Variants in ROR2 observed in about 807,000 individuals in gnomAD.
ROR2 encodes tyrosine-protein kinase transmembrane receptor ROR2.
Under a neutral mutation model 74.9 loss-of-function variants are expected in ROR2, and 33 were observed. The observed-to-expected ratio is 0.44, with a 90% CI of 0.33 to 0.59. The LOEUF (loss-of-function observed/expected upper bound fraction) is 0.59. Ranked by LOEUF, ROR2 falls within the 20% of genes least tolerant of loss-of-function variation. ROR2 has a pLI of 0.02. For synonymous variants in ROR2, 586 were observed against 558.7 expected, an observed-to-expected ratio of 1.05 and a Z score of -0.69; for missense variants, 1,216 against 1,313.8, an observed-to-expected ratio of 0.93 and a Z score of 1.15.
At chr9:91,924,083 C>T (rs1831336093) in intron 1 of ROR2, among the ~76,000 whole-genome samples, 1 of 152,246 alleles carries the variant, frequency 6.6e-6, no homozygotes, top group Admixed American at 6.5e-5. Context: ...TGATTCTTTC[C>T]TGCTCTCCCC....
At position 91,892,239 on chromosome 9, in the gene ROR2, C is replaced by T. The variant is rs560121889; in HGVS notation, c.97+57628G>A. 3.9e-5 allele frequency among the ~76,000 whole-genome samples: 6 copies of T among 152,286 alleles called. No individual in the cohort carries two copies. The South Asian group carries it at 1.2e-3, about 32-fold the overall frequency. On this transcript the variant is annotated intron_variant, in intron 1 of 8. Coordinates refer to ENST00000375708, the MANE Select transcript of ROR2 (RefSeq NM_004560.4). ...ACACAACCTAGTGATGAAAGGGAAA[C>T]CCGCCATCAGCACATCCTTGGGTAG... is the stretch of plus-strand genomic sequence containing the variant.
At chr9:91,906,032 C>CAG (rs1830805973) in intron 1 of ROR2, among the ~76,000 whole-genome samples, 5 of 150,836 alleles carry the variant, frequency 3.3e-5, no homozygotes, top group Non-Finnish European at 7.4e-5. Context: ...CACACACACA[C>CAG]AGAGTAATAA....
intron 5 of ROR2, among the ~76,000 whole-genome samples, chr9:91,736,580 G>A (rs1825032921): frequency 6.6e-6 from 1 of 152,220 alleles, no homozygotes; most frequent in African/African-American, 2.4e-5. Flanking sequence ...CTCCTTATGG[G>A]ATCTGGAGAG....
Position 91,724,586 on chromosome 9 carries a change from G to C in ROR2, c.1908C>G (p.Leu636=). Residue 636 remains leucine, a synonymous_variant, in exon 9 of 9, where the codon CTC becomes CTG. Coordinates refer to ENST00000375708, the MANE Select transcript of ROR2 (RefSeq NM_004560.4). ...AATCGGCGGCATACACCTCTCGGAA[G>C]AGGCCCAAGTCTGAGATCTTCACGT... ...KLNVKISDLG[L]FREVYAADYY... 1.2e-6 allele frequency: 2 copies of C among 1,614,158 alleles called. No homozygotes were observed. The highest frequency in any genetic ancestry group is 1.7e-6 in the Non-Finnish European group (2 of 1,180,038).
At chr9:91,882,343 G>A (rs1454393495) in intron 1 of ROR2, among the ~76,000 whole-genome samples, 5 of 151,518 alleles carry the variant, frequency 3.3e-5, no homozygotes, top group Admixed American at 6.6e-5. Context: ...CCCAGGAGGC[G>A]GAGGTTGCAG....
rs141597213 is a variant in ROR2, at chr9:91,840,428, A to G, written c.98-64610T>C. Among the ~76,000 whole-genome samples the G allele has an allele frequency of 2.6e-3, 400 of 152,174 alleles. 1 individual carries two copies. Among genetic ancestry groups the G allele is most frequent in the African/African-American group, 9.0e-3 (374 of 41,526 alleles). Reference sequence around the variant, plus strand: ...CCTCCAGACGGGCCCACCATACCCAATTGCTTCAAGGAGGCCTCTGTTCAT... The same window carrying G: ...CCTCCAGACGGGCCCACCATACCCAGTTGCTTCAAGGAGGCCTCTGTTCAT... On this transcript the variant is annotated intron_variant, in intron 1 of 8. Coordinates refer to ENST00000375708, the MANE Select transcript of ROR2 (RefSeq NM_004560.4).
At chr9:91,878,210 G>A (rs190699162) in intron 1 of ROR2, among the ~76,000 whole-genome samples, 253 of 152,270 alleles carry the variant, frequency 1.7e-3, no homozygotes, top group Admixed American at 2.8e-3. Context: ...TGGGGCAAGG[G>A]AAATGGCAGG....
intron 1 of ROR2, among the ~76,000 whole-genome samples, chr9:91,801,272 A>G (rs902162489): frequency 1.3e-5 from 2 of 152,192 alleles, no homozygotes; most frequent in Non-Finnish European, 2.9e-5. Context: ...TTGAGTCTTC[A>G]TTCTTCATGT....
rs376350305 is a variant in ROR2, at chr9:91,757,264, C to T, written c.463+8G>A. ...TGCTAACCCACACAATTTCACTGTC[C>T]AACTCACCCAGCCGCACAAACAGGA... On this transcript the variant is annotated splice_region_variant and intron_variant, in intron 3 of 8. Coordinates refer to ENST00000375708, the MANE Select transcript of ROR2 (RefSeq NM_004560.4). The T allele has an allele frequency of 1.9e-6, 3 of 1,613,720 alleles. No individual in the cohort carries two copies. In the African/African-American group the frequency reaches 4.0e-5, roughly 22 times the overall value.
chr9:91,738,092 C>A (rs1166883794), intron 4 of ROR2, among the ~76,000 whole-genome samples: 1 of 152,156 alleles, frequency 6.6e-6, no homozygotes, highest in Non-Finnish European at 1.5e-5. Flanking sequence ...CGTCACTATA[C>A]ATTGGGCAAA....
chr9:91,796,917 C>T (rs1827199863), intron 1 of ROR2, among the ~76,000 whole-genome samples: 1 of 104,946 alleles, frequency 9.5e-6, no homozygotes, highest in East Asian at 3.9e-4. Flanking sequence ...GGGCTGACAC[C>T]CTGGCTCTGT....
intron 1 of ROR2, among the ~76,000 whole-genome samples, chr9:91,887,788 CTTTT>C (rs771557997): frequency 1.2e-3 from 117 of 100,672 alleles, no homozygotes; most frequent in African/African-American, 3.8e-3. Flanking sequence ...CTTTTTTTCT[CTTTT>C]TTTTTTTTTT....
At chr9:91,836,495 G>A (rs140038245) in intron 1 of ROR2, among the ~76,000 whole-genome samples, 97 of 148,614 alleles carry the variant, frequency 6.5e-4, no homozygotes, top group South Asian at 4.2e-3. Context: ...AGCCAAGATC[G>A]CACCACTGCA....
chr9:91,948,575 G>C, intron 1 of ROR2: 1 of 985,458 alleles, frequency 1.0e-6, no homozygotes. Flanking sequence ...CCCCCCCCAG[G>C]AAAGACTGTG....
At position 91,770,022 on chromosome 9, in the gene ROR2, G is replaced by A. The variant is rs539195882; in HGVS notation, c.175+5719C>T. 4.6e-5 allele frequency among the ~76,000 whole-genome samples: 7 copies of A among 152,326 alleles called. No individual in the cohort carries two copies. The East Asian group carries it at 1.4e-3, about 29-fold the overall frequency. ...ACCGCCTTGGACATCCAGACCACCA[G>A]CAGTTCCATGTGCATTTCTGCTGCA... On this transcript the variant is annotated intron_variant, in intron 2 of 8. Transcript: ENST00000375708.
intron 1 of ROR2, among the ~76,000 whole-genome samples, chr9:91,907,242 T>C (rs1457710928): frequency 1.3e-5 from 2 of 152,058 alleles, no homozygotes; most frequent in Non-Finnish European, 2.9e-5. Context: ...ATATAATTTT[T>C]CCCCCTGTAC....
At chr9:91,740,503 GA>G (rs1825192644) in intron 4 of ROR2, among the ~76,000 whole-genome samples, 2 of 149,700 alleles carry the variant, frequency 1.3e-5, no homozygotes, top group East Asian at 2.0e-4. Context: ...AGTGAGCCGA[GA>G]ATACGCCACT....
chr9:91,919,375 T>C (rs1564038468), intron 1 of ROR2, among the ~76,000 whole-genome samples: 1 of 152,152 alleles, frequency 6.6e-6, no homozygotes, highest in South Asian at 2.1e-4. Context: ...ACCAAATTCA[T>C]TCAGGATAAA....
At chr9:91,887,776 C>G (rs1400869454) in intron 1 of ROR2, among the ~76,000 whole-genome samples, 1 of 141,158 alleles carries the variant, frequency 7.1e-6, no homozygotes, top group African/African-American at 2.8e-5. Context: ...CTCTCCATAA[C>G]ACTTTTTTTC....
Sources: allele counts gnomAD v4.1 joint callset (sites outside exome capture counted in the v4.1 genomes callset), GRCh38; gene constraint gnomAD v4.1.1; transcripts MANE v1.5; gene names NCBI Gene and HGNC (gene_info 2026-07-23, HGNC 2026-07-21).